NMNAT2: variants seen among roughly 807,000 people sequenced by gnomAD.
NMNAT2 encodes nicotinamide nucleotide adenylyltransferase 2.
NMNAT2 carries 11 observed loss-of-function variants against 41.6 expected under a neutral mutation model. The ratio of observed to expected loss-of-function variants is 0.26; its 90% CI spans 0.17 to 0.44. The LOEUF (loss-of-function observed/expected upper bound fraction) is 0.44. Among genes scored for constraint, NMNAT2 ranks in the 20% least tolerant of loss-of-function variants. NMNAT2 has a pLI of 1.00. For synonymous variants in NMNAT2, 148 were observed against 151.2 expected, an observed-to-expected ratio of 0.98 and a Z score of 0.16; for missense variants, 288 against 407.7, an observed-to-expected ratio of 0.71 and a Z score of 2.53.
chr1:183,259,123 A>C (rs1056406119), intron 10 of NMNAT2, among the ~76,000 whole-genome samples: 1 of 152,092 alleles, frequency 6.6e-6, no homozygotes, highest in African/African-American at 2.4e-5. Context: ...TAGTTTTTGA[A>C]AAAGTGTGTA....
At chr1:183,393,744 C>T (rs551013774) in intron 1 of NMNAT2, among the ~76,000 whole-genome samples, 4 of 152,206 alleles carry the variant, frequency 2.6e-5, no homozygotes, top group East Asian at 3.9e-4. Flanking sequence ...TTGGTAAAGA[C>T]GGAGTTTCAC....
chr1:183,355,959 T>C (rs766958872), intron 1 of NMNAT2, among the ~76,000 whole-genome samples: 8 of 152,202 alleles, frequency 5.3e-5, no homozygotes, highest in South Asian at 2.1e-4. Context: ...ACAGTCTTCA[T>C]AGAGCAGTGC....
At chr1:183,393,637 C>G (rs981566704) in intron 1 of NMNAT2, among the ~76,000 whole-genome samples, 3 of 152,190 alleles carry the variant, frequency 2.0e-5, no homozygotes, top group Admixed American at 2.0e-4. Flanking sequence ...CTTACCGCAA[C>G]CTCTGCCTCC....
intron 1 of NMNAT2, among the ~76,000 whole-genome samples, chr1:183,360,126 C>G (rs12146097): frequency 6.6e-6 from 1 of 152,066 alleles, no homozygotes; most frequent in Non-Finnish European, 1.5e-5. Flanking sequence ...TATCATTTCA[C>G]TTTCCATTAT....
At position 183,378,742 on chromosome 1, in the gene NMNAT2, C is replaced by T. The variant is rs551180610; in HGVS notation, c.85+39441G>A. ...TTAAAATGTGAATGGTCTAAACACA[C>T]CAGTTTAAAAGTAGATATTGGCCAG... On this transcript the variant is annotated intron_variant, in intron 1 of 10. Coordinates refer to ENST00000287713, the MANE Select transcript of NMNAT2 (RefSeq NM_015039.4). Among the ~76,000 whole-genome samples, 57 of 152,124 alleles carry T rather than the reference C, an allele frequency of 3.7e-4. 2 individuals carry two copies. In the South Asian group the frequency reaches 0.012, roughly 31 times the overall value.
In NMNAT2 at chr1:183,250,630, C is replaced by T. The variant is rs1453315753; in HGVS notation, c.*2011G>A. The T allele has an allele frequency of 6.6e-6, 1 of 152,610 alleles. No homozygotes were observed. The highest frequency in any genetic ancestry group is 1.5e-5 in the Non-Finnish European group (1 of 68,042). The allele number at this position is 152,610 out of a possible 1,614,324, so 9.5% of individuals were successfully genotyped here. ...CCATTTAATCCCATGGGCCTCTGCT[C>T]CCTCAACTTTTAAAGGAAAGTGTTG... On this transcript the variant is annotated 3_prime_UTR_variant, in exon 11 of 11. Coordinates refer to ENST00000287713, the MANE Select transcript of NMNAT2 (RefSeq NM_015039.4).
chr1:183,284,700 G>T lies in NMNAT2; in HGVS notation c.529+10C>A. On this transcript the variant is annotated intron_variant, in intron 6 of 10. Transcript: ENST00000287713. ...GACAGGACTGGGAATCAAGTTCCTT[G>T]GTTCCTCACCTACAAAGGTGAAACG... 6.2e-7 allele frequency: 1 copy of T among 1,611,206 alleles called. No homozygotes were observed. Among genetic ancestry groups the T allele is most frequent in the Non-Finnish European group, 8.5e-7 (1 of 1,177,300 alleles).
intron 10 of NMNAT2, among the ~76,000 whole-genome samples, 183 bp downstream of exon 10, chr1:183,260,819 C>CAAAA (rs35660466): frequency 1.7e-4 from 13 of 74,984 alleles, no homozygotes; most frequent in Non-Finnish European, 2.5e-4. Flanking sequence ...GACGCTGTCT[C>CAAAA]AAAAAAAAAA....
chr1:183,293,118 T>C (rs1661586958), intron 2 of NMNAT2, among the ~76,000 whole-genome samples: 1 of 152,210 alleles, frequency 6.6e-6, no homozygotes, highest in Non-Finnish European at 1.5e-5. Context: ...AAGCAGCCCC[T>C]GTGTGCCCTG....
At chr1:183,303,253 G>A (rs1465382286) in intron 1 of NMNAT2, among the ~76,000 whole-genome samples, 1 of 152,214 alleles carries the variant, frequency 6.6e-6, no homozygotes, top group Non-Finnish European at 1.5e-5. Context: ...TAGCTGAGAA[G>A]AAGGCAGGGA....
At chr1:183,263,765 G>T (rs1361665986) in intron 8 of NMNAT2, among the ~76,000 whole-genome samples, 1 of 152,160 alleles carries the variant, frequency 6.6e-6, no homozygotes, top group Non-Finnish European at 1.5e-5. Context: ...CTGAGATCGC[G>T]CCACTGCACT....
chr1:183,278,423 A>G lies in NMNAT2; in HGVS notation c.651+130T>C. On this transcript the variant is annotated intron_variant, in intron 8 of 10. Transcript: ENST00000287713. Reference sequence around the variant, plus strand: ...GCTTGGGGGTAGGTGAGAATTTTCTACCATAGTGATGTGAACGGACTGCCC... The same window carrying G: ...GCTTGGGGGTAGGTGAGAATTTTCTGCCATAGTGATGTGAACGGACTGCCC... 4.8e-6 allele frequency: 3 copies of G among 625,212 alleles called. No individual in the cohort carries two copies. The South Asian group carries it at 5.6e-5, about 12-fold the overall frequency. The allele number at this position is 625,212 out of a possible 1,614,324, so 38.7% of individuals were successfully genotyped here. A position where few individuals can be genotyped will look rare whatever the true frequency, so the allele number is the denominator to read the frequency against.
chr1:183,295,607 T>C (rs10797866), intron 1 of NMNAT2, among the ~76,000 whole-genome samples: 83,822 of 152,010 alleles, frequency 0.55, 24,442 homozygotes, highest in Non-Finnish European at 0.64. Flanking sequence ...AATTGTATCC[T>C]TCATTATAGT....
intron 1 of NMNAT2, among the ~76,000 whole-genome samples, chr1:183,376,899 T>C (rs1213210253): frequency 6.6e-6 from 1 of 152,118 alleles, no homozygotes; most frequent in Non-Finnish European, 1.5e-5. Flanking sequence ...CTCTGCTCAG[T>C]TAACTATCAA....
chr1:183,372,466 A>T (rs745559823), intron 1 of NMNAT2, among the ~76,000 whole-genome samples: 1 of 152,150 alleles, frequency 6.6e-6, no homozygotes, highest in Non-Finnish European at 1.5e-5. Flanking sequence ...GAAGAGTGAG[A>T]CATAACAAGC....
intron 8 of NMNAT2, among the ~76,000 whole-genome samples, chr1:183,273,401 G>C (rs1377230465): frequency 6.6e-6 from 1 of 152,240 alleles, no homozygotes; most frequent in Non-Finnish European, 1.5e-5. Flanking sequence ...ATAATAAAGA[G>C]AAATGTGCTC....
intron 1 of NMNAT2, among the ~76,000 whole-genome samples, chr1:183,312,465 C>T (rs776197789): frequency 1.3e-5 from 2 of 151,958 alleles, no homozygotes; most frequent in Admixed American, 6.6e-5. Context: ...CTCCCAGATT[C>T]CCCATTTGTT....
chr1:183,316,828 C>A (rs945671265), intron 1 of NMNAT2, among the ~76,000 whole-genome samples: 7 of 152,124 alleles, frequency 4.6e-5, no homozygotes, highest in African/African-American at 1.7e-4. Context: ...TGGAAATAAC[C>A]CTTTATCTGA....
intron 1 of NMNAT2, among the ~76,000 whole-genome samples, chr1:183,377,398 T>G (rs1663703515): frequency 6.6e-6 from 1 of 152,076 alleles, no homozygotes; most frequent in Admixed American, 6.6e-5. Context: ...AGTTCTGTCC[T>G]GGGAGCAGTG....
Sources: gnomAD v4.1 joint callset for allele counts (sites outside exome capture counted in the v4.1 genomes callset) on GRCh38, gnomAD v4.1.1 for gene constraint, MANE v1.5 for transcripts, NCBI Gene and HGNC (gene_info 2026-07-23, HGNC 2026-07-21) for gene names.